ROBO1: variants seen among roughly 807,000 people sequenced by gnomAD.
The protein encoded by ROBO1 is roundabout guidance receptor 1, also known as roundabout homolog 1.
ROBO1 carries 149 observed loss-of-function variants against 195.9 expected under a neutral mutation model. That is an observed-to-expected ratio of 0.76 (90% confidence interval 0.67 to 0.87). The LOEUF is 0.87. ROBO1 is among the 40% of genes least tolerant of loss of function. The pLI is 0.00. For missense variants in ROBO1, 1,933 were observed against 2,068.3 expected (o/e 0.93, Z 1.27); for synonymous variants, 816 against 733.2 (o/e 1.11, Z -1.82).
chr3:79,436,829 A>T lies in ROBO1; in HGVS notation c.88+152995T>A, dbSNP rs559278085. 5.3e-5 allele frequency among the ~76,000 whole-genome samples: 8 copies of T among 152,160 alleles called. No individual in the cohort carries two copies. In the South Asian group the frequency reaches 1.7e-3, roughly 32 times the overall value. Reference sequence around the variant, plus strand: ...AAAGAGTGAAGGTGGTTATAAAAAGATGGCTTTTAGCTTTTCGGGTTACAG... The same window carrying T: ...AAAGAGTGAAGGTGGTTATAAAAAGTTGGCTTTTAGCTTTTCGGGTTACAG... On this transcript the variant is annotated intron_variant, in intron 2 of 30. Coordinates refer to ENST00000464233, the MANE Select transcript of ROBO1 (RefSeq NM_002941.4).
At chr3:79,527,884 TG>T (rs2107601347) in intron 2 of ROBO1, 1 of 152,562 alleles carries the variant, frequency 6.6e-6, no homozygotes, top group South Asian at 2.1e-4. Flanking sequence ...AGGTCAGTGA[TG>T]GGCTGGAATG....
chr3:79,489,059 ATAT>A (rs141856964), intron 2 of ROBO1, among the ~76,000 whole-genome samples: 3,740 of 151,914 alleles, frequency 0.025, 165 homozygotes, highest in African/African-American at 0.085. Context: ...TGATTTTATG[ATAT>A]TATTAGTGAA....
At chr3:79,633,371 G>A (rs1167490783) in intron 1 of ROBO1, among the ~76,000 whole-genome samples, 2 of 27,258 alleles carry the variant, frequency 7.3e-5, no homozygotes, top group Non-Finnish European at 1.6e-4. Flanking sequence ...TTTTTTTTTT[G>A]GAGAGATGGG....
At chr3:79,185,119 G>C (rs566621589) in intron 2 of ROBO1, among the ~76,000 whole-genome samples, 22 of 152,200 alleles carry the variant, frequency 1.4e-4, no homozygotes, top group Non-Finnish European at 2.9e-4. Flanking sequence ...GGAAGCACAC[G>C]TACAACAACA....
intron 2 of ROBO1, among the ~76,000 whole-genome samples, chr3:79,375,761 G>A (rs2036360663): frequency 6.6e-6 from 1 of 152,192 alleles, no homozygotes; most frequent in Admixed American, 6.5e-5. Context: ...AGATTTTGAA[G>A]AGTAGGAAAC....
intron 2 of ROBO1, among the ~76,000 whole-genome samples, chr3:79,511,669 C>G (rs1229050205): frequency 6.6e-6 from 1 of 152,112 alleles, no homozygotes; most frequent in African/African-American, 2.4e-5. Context: ...GGAAATCAAC[C>G]TAAATGCCCA....
chr3:79,640,171 G>A, intron 1 of ROBO1, among the ~76,000 whole-genome samples: 1 of 152,022 alleles, frequency 6.6e-6, no homozygotes, highest in Non-Finnish European at 1.5e-5. Flanking sequence ...GAAATCAGGA[G>A]AAATTTGAGT....
intron 1 of ROBO1, among the ~76,000 whole-genome samples, chr3:79,614,858 C>T (rs1018409510): frequency 1.3e-5 from 2 of 151,880 alleles, no homozygotes; most frequent in Non-Finnish European, 1.5e-5. Flanking sequence ...GGAAAATTCA[C>T]TCTATGATTT....
At chr3:79,016,271 G>A (rs1383139506) in intron 3 of ROBO1, among the ~76,000 whole-genome samples, 1 of 152,156 alleles carries the variant, frequency 6.6e-6, no homozygotes. Context: ...CAGCATGAGC[G>A]AAAGTGATCA....
At chr3:78,903,669 CTTTA>C (rs1260706000) in intron 4 of ROBO1, among the ~76,000 whole-genome samples, 4 of 151,882 alleles carry the variant, frequency 2.6e-5, no homozygotes, top group East Asian at 3.9e-4. Flanking sequence ...GTGTGGTTAT[CTTTA>C]TTTATTCGAC....
At chr3:79,426,317 T>A (rs1401022166) in intron 2 of ROBO1, among the ~76,000 whole-genome samples, 4 of 152,142 alleles carry the variant, frequency 2.6e-5, no homozygotes, top group African/African-American at 9.6e-5. Flanking sequence ...ACATTACTAT[T>A]ACTTATTTCT....
rs1162585941 is a variant in ROBO1 at position 79,547,184 on chromosome 3, C to CAAAA, written c.88+42636_88+42639dup. ...TGGCAGACAGAGCGAGACTCCGCCT[C>CAAAA]AAAAAAAAAAAAAAAAAAAAAAAAA... On this transcript the variant is annotated intron_variant, in intron 2 of 30. Transcript: ENST00000464233. Among the ~76,000 whole-genome samples, 55 of 23,272 alleles carry CAAAA rather than the reference C, an allele frequency of 2.4e-3. 11 individuals are homozygous for CAAAA. The highest frequency in any genetic ancestry group is 6.7e-3 in the African/African-American group (46 of 6,896). 15.3% of individuals were successfully genotyped at this position (23,272 alleles called of 152,430 possible).
intron 1 of ROBO1, among the ~76,000 whole-genome samples, chr3:79,689,776 G>A (rs1460276893): frequency 6.6e-6 from 1 of 151,954 alleles, no homozygotes; most frequent in Non-Finnish European, 1.5e-5. Context: ...GAGTTATAAA[G>A]TCTGGGTTCA....
At chr3:78,978,038 G>C (rs919745241) in intron 3 of ROBO1, among the ~76,000 whole-genome samples, 1 of 152,076 alleles carries the variant, frequency 6.6e-6, no homozygotes, top group African/African-American at 2.4e-5. Context: ...GCAATATGCA[G>C]CTCCAGAATC....
chr3:79,432,081 C>A (rs2038702140), intron 2 of ROBO1, among the ~76,000 whole-genome samples: 1 of 152,102 alleles, frequency 6.6e-6, no homozygotes, highest in Non-Finnish European at 1.5e-5. Context: ...AGCTGATAAT[C>A]CTAATTAGAA....
chr3:79,434,437 AT>A (rs1195847727), intron 2 of ROBO1, among the ~76,000 whole-genome samples: 1 of 152,236 alleles, frequency 6.6e-6, no homozygotes, highest in African/African-American at 2.4e-5. Flanking sequence ...AAAAGAAGAC[AT>A]TTATGCAGCC....
chr3:79,751,324 A>G (rs13071716), intron 1 of ROBO1, among the ~76,000 whole-genome samples: 117,670 of 152,072 alleles, frequency 0.77, 45,847 homozygotes, highest in Middle Eastern at 0.86. Context: ...TTGTATTATC[A>G]TATCATTAAA....
At chr3:79,059,336 C>A (rs866704354) in intron 3 of ROBO1, among the ~76,000 whole-genome samples, 1 of 152,116 alleles carries the variant, frequency 6.6e-6, no homozygotes, top group Middle Eastern at 3.4e-3. Flanking sequence ...TAGACTAAAC[C>A]TCATGACTTG....
intron 5 of ROBO1, 108 bp downstream of exon 5, chr3:78,746,635 C>T (rs960980580): frequency 1.8e-5 from 17 of 929,256 alleles, no homozygotes; most frequent in South Asian, 1.1e-4. Context: ...TGGGAGCTGA[C>T]GCAAGCCTTT....
Sources: gnomAD v4.1 joint callset for allele counts (sites outside exome capture counted in the v4.1 genomes callset) on GRCh38, gnomAD v4.1.1 for gene constraint, MANE v1.5 for transcripts, NCBI Gene and HGNC (gene_info 2026-07-23, HGNC 2026-07-21) for gene names.